ENTPD7: variants seen among roughly 807,000 people sequenced by gnomAD.
ENTPD7 encodes the protein NTPDase 7.
A neutral mutation model predicts 77.9 loss-of-function variants in ENTPD7; 53 were observed. That is an observed-to-expected ratio of 0.68 (90% CI 0.55 to 0.85). The LOEUF is 0.85. Ranked by LOEUF, ENTPD7 falls within the 40% of genes least tolerant of loss-of-function variation. ENTPD7 has a pLI of 0.00. For missense variants in ENTPD7, 636 were observed against 743.7 expected (o/e 0.86, Z 1.68); for synonymous variants, 248 against 274.9 (o/e 0.90, Z 0.97).
rs201016892 is a variant in ENTPD7, at chr10:99,708,498, C to A, written c.*3815C>A. 2.4e-4 allele frequency among the ~76,000 whole-genome samples: 37 copies of A among 152,206 alleles called. No homozygotes were observed. The East Asian group carries it at 7.0e-3, about 29-fold the overall frequency. Reference sequence around the variant, plus strand: ...CTGGTACCCCAGGCCAGTCACTTACCATCTCTGGTTCGGTTCTCATCTATC... The same window carrying A: ...CTGGTACCCCAGGCCAGTCACTTACAATCTCTGGTTCGGTTCTCATCTATC... On this transcript the variant is annotated 3_prime_UTR_variant, in exon 13 of 13. Transcript: ENST00000370489.
Position 99,709,796 on chromosome 10 carries a change from T to C in ENTPD7, c.*5113T>C, listed in dbSNP as rs76656125. 858 of 985,384 alleles carry C rather than the reference T, an allele frequency of 8.7e-4. 4 individuals carry two copies. The African/African-American group carries it at 0.012, about 14-fold the overall frequency. 61.0% of individuals were successfully genotyped at this position (985,384 alleles called of 1,614,324 possible). A position where few individuals can be genotyped will look rare whatever the true frequency, so the allele number is the denominator to read the frequency against. On this transcript the variant is annotated 3_prime_UTR_variant, in exon 13 of 13. Coordinates refer to ENST00000370489, the MANE Select transcript of ENTPD7 (RefSeq NM_020354.5). The stretch of plus-strand genomic sequence containing the variant: ...CTTGTGTTATTACACATTTCTCTTT[T>C]GCTCTAATATTTCATTATTTTCCAG...
intron 3 of ENTPD7, among the ~76,000 whole-genome samples, chr10:99,667,203 C>T (rs2035560989): frequency 6.6e-6 from 1 of 152,214 alleles, no homozygotes; most frequent in Admixed American, 6.5e-5. Flanking sequence ...CTCATTGTTA[C>T]TTAATGAAAG....
At chr10:99,668,389 A>T (rs918140773) in intron 3 of ENTPD7, among the ~76,000 whole-genome samples, 2 of 152,190 alleles carry the variant, frequency 1.3e-5, no homozygotes, top group Admixed American at 6.5e-5. Flanking sequence ...GGTTACATTT[A>T]CTTAAGGAGG....
rs1342888639 is a variant in ENTPD7, at chr10:99,706,494, C to T, written c.*1811C>T. 8.4e-6 allele frequency among the ~76,000 whole-genome samples: 1 copy of T among 119,536 alleles called. No homozygotes were observed. The highest frequency in any genetic ancestry group is 1.8e-5 in the Non-Finnish European group (1 of 56,456). The allele number at this position is 119,536 out of a possible 152,430, so 78.4% of individuals were successfully genotyped here. On this transcript the variant is annotated 3_prime_UTR_variant, in exon 13 of 13. Transcript: ENST00000370489. Reference sequence around the variant, plus strand: ...GGGACTACAGGTGTGCGCCACCACACTCAGCTAATTTTTTATTTTATTTTT... The same window carrying T: ...GGGACTACAGGTGTGCGCCACCACATTCAGCTAATTTTTTATTTTATTTTT...
chr10:99,680,337 A>C (rs991934089), intron 5 of ENTPD7, among the ~76,000 whole-genome samples: 4 of 152,086 alleles, frequency 2.6e-5, no homozygotes, highest in Non-Finnish European at 5.9e-5. Context: ...AGCCAGTCAC[A>C]TCATTTCCAC....
At chr10:99,702,738 G>T (rs965902700) in intron 12 of ENTPD7, 65 bp downstream of exon 12, 1 of 1,433,860 alleles carries the variant, frequency 7.0e-7, no homozygotes, top group East Asian at 2.5e-5. Flanking sequence ...CCTCAGAATC[G>T]GTTTCTTTCT....
At position 99,679,725 on chromosome 10, in the gene ENTPD7, G is replaced by C. The variant is rs761468163; in HGVS notation, c.398G>C (p.Gly133Ala). 6.2e-7 allele frequency: 1 copy of C among 1,604,386 alleles called. No homozygotes were observed. The highest frequency in any genetic ancestry group is 8.5e-7 in the Non-Finnish European group (1 of 1,177,302). The part of the protein sequence containing the change: ...SQPVVKKIKP[G>A]ISAMADTPEH... ...GTCTGTTTGTTTGTTTTAACTTAAGGAATCTCTGCAATGGCAGACACTCCA... is the reference window on the plus strand; with the variant it reads ...GTCTGTTTGTTTGTTTTAACTTAAGCAATCTCTGCAATGGCAGACACTCCA... The change falls in exon 5 of 13, where the codon GGA becomes GCA. Residue 133 changes from glycine (G) to alanine (A), a missense_variant and splice_region_variant. Physicochemically the swap from Gly to Ala is moderately conservative, Grantham distance 60. Around this residue, in one of 3 missense-constraint regions of ENTPD7, gnomAD observed 486 missense variants for 556.5 expected, o/e 0.87. Coordinates refer to ENST00000370489, the MANE Select transcript of ENTPD7 (RefSeq NM_020354.5).
intron 7 of ENTPD7, among the ~76,000 whole-genome samples, chr10:99,690,955 G>A (rs933625403): frequency 6.6e-6 from 1 of 152,102 alleles, no homozygotes; most frequent in Non-Finnish European, 1.5e-5. Flanking sequence ...TATTCTTTGT[G>A]TAATATATAG....
intron 2 of ENTPD7, chr10:99,660,549 C>T: frequency 2.9e-6 from 1 of 350,284 alleles, no homozygotes; most frequent in Non-Finnish European, 5.7e-6. Context: ...CACACACACA[C>T]ACACACACAC....
chr10:99,685,218 T>C (rs2035797247), intron 5 of ENTPD7, among the ~76,000 whole-genome samples: 1 of 152,120 alleles, frequency 6.6e-6, no homozygotes, highest in South Asian at 2.1e-4. Flanking sequence ...GATCATGCCA[T>C]TGCACTCCAG....
At position 99,706,424 on chromosome 10, in the gene ENTPD7, C is replaced by A. The variant is rs1406022783; in HGVS notation, c.*1741C>A. Among the ~76,000 whole-genome samples, 1 of 152,148 alleles carries A rather than the reference C, an allele frequency of 6.6e-6. No homozygotes were observed. Among genetic ancestry groups the A allele is most frequent in the African/African-American group, 2.4e-5 (1 of 41,516 alleles). ...CATCATGGCTCACCGCAGCCTCAAC[C>A]TCCTGGGCTCAAACAGTCCTCCCAA... On this transcript the variant is annotated 3_prime_UTR_variant, in exon 13 of 13. Transcript: ENST00000370489.
At chr10:99,666,759 T>G (rs2035555492) in intron 3 of ENTPD7, among the ~76,000 whole-genome samples, 3 of 152,232 alleles carry the variant, frequency 2.0e-5, no homozygotes, top group African/African-American at 7.2e-5. Flanking sequence ...CAAAACCACC[T>G]AACAGAAGGC....
chr10:99,685,861 G>A lies in ENTPD7; in HGVS notation c.618G>A (p.Gln206=). The change falls in exon 6 of 13, where the codon CAG becomes CAA. Residue 206 remains glutamine, a synonymous_variant. Transcript: ENST00000370489. ...TGGAGTTTGACTTCCTCTTTTCACA[G>A]TCTCAAGCAGAAGTGATCTCTGGGA... ...LPLEFDFLFS[Q]SQAEVISGKQ... is the part of the protein sequence containing the mutation. 6.2e-7 allele frequency: 1 copy of A among 1,613,852 alleles called. No individual in the cohort carries two copies. Among genetic ancestry groups the A allele is most frequent in the Non-Finnish European group, 8.5e-7 (1 of 1,179,898 alleles).
chr10:99,681,267 A>ATTATTTATTTAT (rs34561300), intron 5 of ENTPD7, among the ~76,000 whole-genome samples: 21 of 149,460 alleles, frequency 1.4e-4, no homozygotes, highest in East Asian at 6.0e-4. Flanking sequence ...TGACAGTTTG[A>ATTATTTATTTAT]TTATTTATTT....
intron 6 of ENTPD7, among the ~76,000 whole-genome samples, chr10:99,686,909 T>G (rs2035818307): frequency 7.2e-6 from 1 of 138,282 alleles, no homozygotes; most frequent in Non-Finnish European, 1.5e-5. Context: ...TTCTGTAGGC[T>G]GTGAATCTTT....
chr10:99,663,015 T>C (rs576556885), intron 3 of ENTPD7, among the ~76,000 whole-genome samples: 1 of 152,312 alleles, frequency 6.6e-6, no homozygotes, highest in East Asian at 1.9e-4. Flanking sequence ...ACATCCAAGA[T>C]GGAGTCACTT....
At chr10:99,682,388 G>A (rs1444320639) in intron 5 of ENTPD7, among the ~76,000 whole-genome samples, 1 of 152,006 alleles carries the variant, frequency 6.6e-6, no homozygotes, top group Non-Finnish European at 1.5e-5. Context: ...TTTACTGACT[G>A]GTTTACTGTT....
At chr10:99,685,579 A>C (rs898836249) in intron 5 of ENTPD7, among the ~76,000 whole-genome samples, 1 of 152,100 alleles carries the variant, frequency 6.6e-6, no homozygotes, top group African/African-American at 2.4e-5. Context: ...AAGTATTACT[A>C]TTACCATGTT....
At chr10:99,696,254 G>A in intron 9 of ENTPD7, 132 bp downstream of exon 9, 2 of 1,089,130 alleles carry the variant, frequency 1.8e-6, no homozygotes, top group Non-Finnish European at 2.6e-6. Flanking sequence ...CTGCCAATGG[G>A]GTAGCATCTC....
Sources: allele counts gnomAD v4.1 joint callset (sites outside exome capture counted in the v4.1 genomes callset), GRCh38; gene constraint gnomAD v4.1.1; regional missense constraint gnomAD v4.1.1; transcripts MANE v1.5; gene names NCBI Gene and HGNC (gene_info 2026-07-23, HGNC 2026-07-21).